The following PIWIL2 variants were observed in gnomAD, a reference collection of about 807,000 sequenced individuals.
PIWIL2 encodes the protein piwi-like protein 2.
In PIWIL2, 81 loss-of-function variants were observed where a neutral mutation model predicts 116.5. The observed-to-expected ratio is 0.70, with a 90% CI of 0.58 to 0.84. PIWIL2 has a LOEUF of 0.84. Among genes scored for constraint, PIWIL2 ranks in the 40% least tolerant of loss-of-function variants. The pLI is 0.00. For missense variants in PIWIL2, 1,272 were observed against 1,212.3 expected (o/e 1.05, Z -0.73); for synonymous variants, 489 against 429.5 (o/e 1.14, Z -1.71).
At chr8:22,349,712 T>C (rs955108258) in intron 20 of PIWIL2, among the ~76,000 whole-genome samples, 5 of 152,070 alleles carry the variant, frequency 3.3e-5, no homozygotes, top group African/African-American at 1.2e-4. Flanking sequence ...TAACAGGAAC[T>C]GGTAACTTGA....
intron 16 of PIWIL2, among the ~76,000 whole-genome samples, chr8:22,313,271 A>T (rs1405687592): frequency 1.3e-5 from 2 of 152,216 alleles, no homozygotes; most frequent in African/African-American, 4.8e-5. Flanking sequence ...TAAGGAGTAT[A>T]AATGAGTGAA....
At chr8:22,329,275 C>A (rs1296575313) in intron 20 of PIWIL2, among the ~76,000 whole-genome samples, 1 of 152,158 alleles carries the variant, frequency 6.6e-6, no homozygotes, top group Non-Finnish European at 1.5e-5. Context: ...GCCATTCTTG[C>A]ATTGCTGTAA....
chr8:22,293,890 G>A (rs1445812216), intron 10 of PIWIL2, among the ~76,000 whole-genome samples: 1 of 152,088 alleles, frequency 6.6e-6, no homozygotes, highest in Non-Finnish European at 1.5e-5. Flanking sequence ...TTTTCATGGT[G>A]AATGTCACCC....
intron 16 of PIWIL2, among the ~76,000 whole-genome samples, chr8:22,311,636 A>G (rs1831333885): frequency 6.6e-6 from 1 of 152,170 alleles, no homozygotes; most frequent in African/African-American, 2.4e-5. Context: ...ACGATTCACT[A>G]CTGAGCTGCC....
Position 22,349,419 on chromosome 8 carries a change from G to GTGTA in PIWIL2, c.2404-3539_2404-3538insGTAT, listed in dbSNP as rs1554506729. Among the ~76,000 whole-genome samples, 1,000 of 134,410 alleles carry GTGTA rather than the reference G, an allele frequency of 7.4e-3. 11 individuals are homozygous for GTGTA. The highest frequency in any genetic ancestry group is 0.025 in the African/African-American group (906 of 36,654). The allele number at this position is 134,410 out of a possible 152,430, so 88.2% of individuals were successfully genotyped here. A position where few individuals can be genotyped will look rare whatever the true frequency, so the allele number is the denominator to read the frequency against. On this transcript the variant is annotated intron_variant, in intron 20 of 22. Coordinates refer to ENST00000356766, the MANE Select transcript of PIWIL2 (RefSeq NM_018068.5). ...TTTTGTGTACAATATATGTGTGTGTGTATATATATATATATATATATATAT... is the reference window on the plus strand; with the variant it reads ...TTTTGTGTACAATATATGTGTGTGTGTGTATATATATATATATATATATATATAT...
In PIWIL2 at chr8:22,336,601, G is replaced by T. The variant is rs541604066; in HGVS notation, c.2404-16358G>T. ...CAGACTAAACCCAAAACAAGGAGAA[G>T]GAAGGAAATAATAGACATTAGAGAG... is the stretch of plus-strand genomic sequence containing the variant. On this transcript the variant is annotated intron_variant, in intron 20 of 22. Coordinates refer to ENST00000356766, the MANE Select transcript of PIWIL2 (RefSeq NM_018068.5). Among the ~76,000 whole-genome samples the T allele has an allele frequency of 2.0e-5, 3 of 152,174 alleles. No homozygotes were observed. In the East Asian group the frequency reaches 5.8e-4, roughly 29 times the overall value.
In PIWIL2 at chr8:22,354,502, T is replaced by C. The variant is rs1832446960; in HGVS notation, c.2765+124T>C. On this transcript the variant is annotated intron_variant, in intron 22 of 22. Transcript: ENST00000356766. Reference sequence around the variant, plus strand: ...GACTTTTCTTCATATCTTTGACAATTATGGTGTCTTTTTGAGGAGAGATTG... The same window carrying C: ...GACTTTTCTTCATATCTTTGACAATCATGGTGTCTTTTTGAGGAGAGATTG... 4 of 562,156 alleles carry C rather than the reference T, an allele frequency of 7.1e-6. No homozygotes were observed. The East Asian group carries it at 1.2e-4, about 16-fold the overall frequency. The allele number at this position is 562,156 out of a possible 1,614,324, so 34.8% of individuals were successfully genotyped here. A position where few individuals can be genotyped will look rare whatever the true frequency, so the allele number is the denominator to read the frequency against.
chr8:22,287,698 G>GT, intron 7 of PIWIL2, 53 bp downstream of exon 7: 2 of 1,169,910 alleles, frequency 1.7e-6, no homozygotes, highest in East Asian at 2.3e-5. Context: ...GTGCTCTGGC[G>GT]TTTTTTGTTT....
intron 20 of PIWIL2, among the ~76,000 whole-genome samples, chr8:22,342,032 C>A (rs761770352): frequency 2.0e-5 from 3 of 148,414 alleles, no homozygotes; most frequent in African/African-American, 7.4e-5. Context: ...AGTGAACAAT[C>A]GGAATTTGAA....
intron 20 of PIWIL2, among the ~76,000 whole-genome samples, chr8:22,326,190 A>T (rs889464783): frequency 4.0e-5 from 6 of 151,886 alleles, no homozygotes; most frequent in African/African-American, 1.5e-4. Flanking sequence ...TTGGCCATCA[A>T]CATGTCCTGC....
At chr8:22,353,764 C>CTTTTTTTCTTT (rs1832427247) in intron 21 of PIWIL2, among the ~76,000 whole-genome samples, 1 of 68,328 alleles carries the variant, frequency 1.5e-5, no homozygotes, top group Non-Finnish European at 2.6e-5. Context: ...GTTTCTACCA[C>CTTTTTTTCTTT]TTTTTTTTTT....
In PIWIL2 at chr8:22,292,586, C is replaced by T. The variant is rs548099235; in HGVS notation, c.1181+2240C>T. Among the ~76,000 whole-genome samples, 43 of 152,350 alleles carry T rather than the reference C, an allele frequency of 2.8e-4. No individual in the cohort carries two copies. The South Asian group carries it at 4.1e-3, about 15-fold the overall frequency. ...GTGTCTTTTTTGCTCACCCTGTACA[C>T]TTAGACTTAATATAGGGCTTAGCAC... On this transcript the variant is annotated intron_variant, in intron 10 of 22. Coordinates refer to ENST00000356766, the MANE Select transcript of PIWIL2 (RefSeq NM_018068.5).
intron 20 of PIWIL2, among the ~76,000 whole-genome samples, chr8:22,323,963 T>C (rs1364169250): frequency 1.3e-5 from 2 of 152,124 alleles, no homozygotes; most frequent in Non-Finnish European, 2.9e-5. Flanking sequence ...AAGGCACCAG[T>C]AGAATATTGG....
Position 22,288,535 on chromosome 8 carries a change from T to TG in PIWIL2, c.862-7_862-6insG. 6.2e-7 allele frequency: 1 copy of TG among 1,610,182 alleles called. No individual in the cohort carries two copies. On this transcript the variant is annotated splice_region_variant and splice_polypyrimidine_tract_variant and intron_variant, in intron 7 of 22. Transcript: ENST00000356766. ...TTTTGTTTCACCTGTGTGTATTTATTTGTTAGGTTCTTGAGTTAAAAAGTC... is the reference window on the plus strand; with the variant it reads ...TTTTGTTTCACCTGTGTGTATTTATTGTGTTAGGTTCTTGAGTTAAAAAGTC...
At chr8:22,311,327 T>C in intron 16 of PIWIL2, 27 bp downstream of exon 16, 4 of 1,542,700 alleles carry the variant, frequency 2.6e-6, no homozygotes, top group Non-Finnish European at 3.6e-6. Flanking sequence ...AATAAATTTA[T>C]AGGATGTCCA....
intron 10 of PIWIL2, among the ~76,000 whole-genome samples, chr8:22,302,004 A>AT (rs1028935381): frequency 1.3e-5 from 2 of 151,934 alleles, no homozygotes; most frequent in African/African-American, 2.4e-5. Flanking sequence ...ACAGTCCCTG[A>AT]TTTTTTTATT....
At chr8:22,339,371 G>C (rs1832053565) in intron 20 of PIWIL2, among the ~76,000 whole-genome samples, 1 of 152,000 alleles carries the variant, frequency 6.6e-6, no homozygotes, top group Admixed American at 6.6e-5. Context: ...AGCTGGGCGT[G>C]GTGGCCCGCG....
intron 15 of PIWIL2, among the ~76,000 whole-genome samples, chr8:22,310,359 C>G (rs373656464): frequency 6.6e-6 from 1 of 152,144 alleles, no homozygotes; most frequent in Non-Finnish European, 1.5e-5. Flanking sequence ...TCTTTTCCCC[C>G]TCTTTTTCCC....
At chr8:22,329,844 T>C (rs1177404338) in intron 20 of PIWIL2, among the ~76,000 whole-genome samples, 3 of 152,238 alleles carry the variant, frequency 2.0e-5, no homozygotes, top group South Asian at 4.1e-4. Flanking sequence ...TACACAGTTA[T>C]GGAGGCTGGC....
Sources: gnomAD v4.1 joint callset for allele counts (sites outside exome capture counted in the v4.1 genomes callset) on GRCh38, gnomAD v4.1.1 for gene constraint, MANE v1.5 for transcripts, NCBI Gene and HGNC (gene_info 2026-07-23, HGNC 2026-07-21) for gene names.